Variants in PDE8B observed in about 807,000 individuals in gnomAD.
PDE8B encodes phosphodiesterase 8B.
Under a neutral mutation model 101.3 loss-of-function variants are expected in PDE8B, and 26 were observed. The observed-to-expected ratio is 0.26, with a 90% CI of 0.19 to 0.36. PDE8B has a LOEUF of 0.36. PDE8B is among the 10% of genes least tolerant of loss of function. The pLI, the probability that PDE8B is intolerant of heterozygous loss-of-function variation, is 1.00. For synonymous variants in PDE8B, 424 were observed against 429.3 expected, an observed-to-expected ratio of 0.99 and a Z score of 0.15; for missense variants, 810 against 1,163.1, an observed-to-expected ratio of 0.70 and a Z score of 4.42.
intron 1 of PDE8B, among the ~76,000 whole-genome samples, chr5:77,218,637 C>G (rs567283385): frequency 1.3e-5 from 2 of 152,294 alleles, no homozygotes; most frequent in African/African-American, 4.8e-5. Context: ...ACTGTCACCC[C>G]TTCTATTAAC....
chr5:77,306,525 T>G (rs1201063575), intron 1 of PDE8B, among the ~76,000 whole-genome samples: 1 of 152,134 alleles, frequency 6.6e-6, no homozygotes, highest in Non-Finnish European at 1.5e-5. Flanking sequence ...ACTTGAACCA[T>G]TGTCAGAGGG....
chr5:77,340,193 C>A (rs78796638), intron 6 of PDE8B, among the ~76,000 whole-genome samples: 10,120 of 152,178 alleles, frequency 0.067, 496 homozygotes, highest in East Asian at 0.14. Context: ...GAAGTTACAT[C>A]CAAGTCATTA....
intron 1 of PDE8B, among the ~76,000 whole-genome samples, chr5:77,248,273 C>T (rs1757367579): frequency 6.6e-6 from 1 of 152,218 alleles, no homozygotes; most frequent in Non-Finnish European, 1.5e-5. Flanking sequence ...CTGGCTGGCT[C>T]ATGGGAAGTA....
At chr5:77,279,638 A>G (rs1308935550) in intron 1 of PDE8B, among the ~76,000 whole-genome samples, 1 of 152,210 alleles carries the variant, frequency 6.6e-6, no homozygotes, top group Non-Finnish European at 1.5e-5. Context: ...AGGTATTAGT[A>G]TCCACATTTT....
intron 10 of PDE8B, among the ~76,000 whole-genome samples, chr5:77,356,205 C>T (rs1163075981): frequency 6.6e-6 from 1 of 152,188 alleles, no homozygotes; most frequent in East Asian, 1.9e-4. Flanking sequence ...GTGCTAGCCT[C>T]TGCGTCCTGT....
chr5:77,360,673 G>T (rs1409719336), intron 10 of PDE8B, among the ~76,000 whole-genome samples: 1 of 152,128 alleles, frequency 6.6e-6, no homozygotes, highest in Admixed American at 6.5e-5. Context: ...CCCTGGCTTG[G>T]CTAATGAGAC....
chr5:77,254,223 T>G (rs1312523625), intron 1 of PDE8B, among the ~76,000 whole-genome samples: 1 of 151,948 alleles, frequency 6.6e-6, no homozygotes, highest in Non-Finnish European at 1.5e-5. Context: ...TGTTAACTCT[T>G]TAGAAATTGA....
chr5:77,291,727 A>G (rs375414057), intron 1 of PDE8B: 131 of 1,592,948 alleles, frequency 8.2e-5, no homozygotes, highest in East Asian at 6.9e-4. Flanking sequence ...GCCTGGAAAC[A>G]GTACATGAGA....
chr5:77,164,414 AC>A, the PDE8B span, among the ~76,000 whole-genome samples: 1 of 152,170 alleles, frequency 6.6e-6, no homozygotes, highest in Non-Finnish European at 1.5e-5. Context: ...TAAGGATGAT[AC>A]CTTTTGACCC....
the PDE8B span, among the ~76,000 whole-genome samples, chr5:77,203,847 C>A: frequency 4.3e-4 from 66 of 152,256 alleles, no homozygotes; most frequent in African/African-American, 1.5e-3. Flanking sequence ...AGTGTAATGA[C>A]ATCTTCTGGA....
the PDE8B span, among the ~76,000 whole-genome samples, chr5:77,165,796 A>G: frequency 6.6e-6 from 1 of 152,030 alleles, no homozygotes; most frequent in African/African-American, 2.4e-5. Flanking sequence ...ACTTGAGGCC[A>G]GGAGTTCAAG....
At chr5:77,295,873 G>A (rs12514694) in intron 1 of PDE8B, among the ~76,000 whole-genome samples, 17,771 of 152,130 alleles carry the variant, frequency 0.12, 1,219 homozygotes, top group East Asian at 0.29. Context: ...TGTTGCTTTC[G>A]TTCTCACATG....
At chr5:77,391,830 A>G (rs1790006168) in intron 10 of PDE8B, among the ~76,000 whole-genome samples, 1 of 152,242 alleles carries the variant, frequency 6.6e-6, no homozygotes, top group African/African-American at 2.4e-5. Flanking sequence ...ACAGCTTCTA[A>G]AGGAGAGAGG....
chr5:77,400,353 A>T, intron 11 of PDE8B, 63 bp downstream of exon 11: 1 of 1,048,458 alleles, frequency 9.5e-7, no homozygotes, highest in South Asian at 1.3e-5. Flanking sequence ...AAATGTATAC[A>T]TTTCTCTGAA....
Position 77,256,632 on chromosome 5 carries a change from A to G in PDE8B, c.339+45368A>G, listed in dbSNP as rs138640495. The stretch of plus-strand genomic sequence containing the variant: ...AAGAGAAACTAAATAAATAACTTCT[A>G]TGGTGTGTCCTGGGCTCTGTACAGA... On this transcript the variant is annotated intron_variant, in intron 1 of 21. Coordinates refer to ENST00000264917, the MANE Select transcript of PDE8B (RefSeq NM_003719.5). Among the ~76,000 whole-genome samples the G allele has an allele frequency of 2.3e-3, 349 of 152,302 alleles. 2 individuals are homozygous for G. The highest frequency in any genetic ancestry group is 8.0e-3 in the African/African-American group (333 of 41,568).
intron 1 of PDE8B, among the ~76,000 whole-genome samples, chr5:77,235,454 A>G (rs908173096): frequency 6.6e-6 from 1 of 152,176 alleles, no homozygotes; most frequent in African/African-American, 2.4e-5. Context: ...TCCCTGTTAG[A>G]GTCTCATTCT....
the PDE8B span, among the ~76,000 whole-genome samples, chr5:77,181,391 G>A: frequency 1.3e-5 from 2 of 152,208 alleles, no homozygotes; most frequent in Non-Finnish European, 2.9e-5. Flanking sequence ...GGCGTTCAGA[G>A]TGTCCTCTGA....
At chr5:77,118,363 G>A in the PDE8B span, 24 of 398,622 alleles carry the variant, frequency 6.0e-5, no homozygotes, top group Admixed American at 7.5e-4. Flanking sequence ...AGGGCAGGCC[G>A]AAGGAGAAAG....
At chr5:77,126,027 C>T in the PDE8B span, among the ~76,000 whole-genome samples, 3 of 152,192 alleles carry the variant, frequency 2.0e-5, no homozygotes, top group East Asian at 5.8e-4. Context: ...TGGCTCACGC[C>T]TGTAATCCTA....
Sources: allele counts gnomAD v4.1 joint callset (sites outside exome capture counted in the v4.1 genomes callset), GRCh38; gene constraint gnomAD v4.1.1; transcripts MANE v1.5; gene names NCBI Gene and HGNC (gene_info 2026-07-23, HGNC 2026-07-21).